Variants in PRKG1 observed in about 807,000 individuals in gnomAD.
The protein encoded by PRKG1 is protein kinase cGMP-dependent 1.
PRKG1 carries 35 observed loss-of-function variants against 88.1 expected under a neutral mutation model. That is an observed-to-expected ratio of 0.40 (90% CI 0.30 to 0.53). The LOEUF (loss-of-function observed/expected upper bound fraction) is 0.53, where lower values mean the gene tolerates loss of function less well. Ranked by LOEUF, PRKG1 falls within the 20% of genes least tolerant of loss-of-function variation. The pLI, the probability that PRKG1 is intolerant of heterozygous loss-of-function variation, is 0.59. For synonymous variants in PRKG1, 303 were observed against 292.5 expected (o/e 1.04, Z -0.37); for missense variants, 540 against 839.8 (o/e 0.64, Z 4.41).
intron 4 of PRKG1, among the ~76,000 whole-genome samples, chr10:51,863,545 T>C (rs150554574): frequency 6.6e-5 from 10 of 152,320 alleles, no homozygotes; most frequent in African/African-American, 1.2e-4. Context: ...CAAAAGCAGA[T>C]GCTAGAAATT....
chr10:52,119,849 T>C (rs1456016366), intron 7 of PRKG1, among the ~76,000 whole-genome samples: 1 of 152,110 alleles, frequency 6.6e-6, no homozygotes, highest in African/African-American at 2.4e-5. Context: ...TTTTGCTGTG[T>C]TATCCAATGG....
rs561758896 is a variant in PRKG1 at position 52,253,986 on chromosome 10, G to C, written c.1173+2320G>C. 2.0e-3 allele frequency among the ~76,000 whole-genome samples: 299 copies of C among 152,012 alleles called. 1 individual carries two copies. Among genetic ancestry groups the C allele is most frequent in the Middle Eastern group, 3.4e-3 (1 of 294 alleles). On this transcript the variant is annotated intron_variant, in intron 10 of 17. Transcript: ENST00000373980. Reference sequence around the variant, plus strand: ...TTCAATGTGGACCAGCCACTTAAGTGATCACTAATACCTTATTTTCCCAAT... The same window carrying C: ...TTCAATGTGGACCAGCCACTTAAGTCATCACTAATACCTTATTTTCCCAAT...
chr10:51,227,962 C>T (rs749261142), intron 2 of PRKG1, among the ~76,000 whole-genome samples: 7 of 152,042 alleles, frequency 4.6e-5, no homozygotes, highest in Non-Finnish European at 1.0e-4. Context: ...GCAACTCTAA[C>T]CTGTATGAAC....
chr10:51,814,441 T>G (rs115186463), intron 4 of PRKG1, among the ~76,000 whole-genome samples: 21,052 of 152,078 alleles, frequency 0.14, 1,932 homozygotes, highest in African/African-American at 0.26. Context: ...AACTTAATTT[T>G]TTTTTGTTTG....
chr10:51,851,414 C>G (rs1170078747), intron 4 of PRKG1, among the ~76,000 whole-genome samples: 1 of 152,018 alleles, frequency 6.6e-6, no homozygotes, highest in Non-Finnish European at 1.5e-5. Context: ...CTTAAATGCA[C>G]AGGACAACCT....
rs115184683 is a variant in PRKG1, at chr10:51,077,113, A to C, written c.311+2212A>C. Among the ~76,000 whole-genome samples the C allele has an allele frequency of 2.7e-3, 418 of 152,336 alleles. 1 individual carries two copies. The highest frequency in any genetic ancestry group is 9.8e-3 in the African/African-American group (406 of 41,592). ...GAAAAAAGAAGTACATTGTATGCAA[A>C]ATGAATAAATCTTATGTTGTTTGAA... is the stretch of plus-strand genomic sequence containing the variant. On this transcript the variant is annotated intron_variant, in intron 1 of 17. Coordinates refer to ENST00000373980, the MANE Select transcript of PRKG1 (RefSeq NM_006258.4).
chr10:51,108,386 A>G (rs942585387), intron 1 of PRKG1, among the ~76,000 whole-genome samples: 10 of 152,214 alleles, frequency 6.6e-5, no homozygotes, highest in Admixed American at 2.0e-4. Flanking sequence ...AAATTAAAAA[A>G]AAAAAGATAA....
intron 2 of PRKG1, among the ~76,000 whole-genome samples, chr10:51,439,012 TA>T (rs143701501): frequency 6.7e-6 from 1 of 150,100 alleles, no homozygotes. Flanking sequence ...TTTTTTTTTT[TA>T]AAAAAAAAGA....
At chr10:51,176,666 T>C (rs1265090112) in intron 2 of PRKG1, among the ~76,000 whole-genome samples, 1 of 152,104 alleles carries the variant, frequency 6.6e-6, no homozygotes, top group African/African-American at 2.4e-5. Flanking sequence ...GAAATTTTTC[T>C]AAAGTGGTGA....
At chr10:52,202,549 A>G (rs1443701461) in intron 9 of PRKG1, among the ~76,000 whole-genome samples, 1 of 152,134 alleles carries the variant, frequency 6.6e-6, no homozygotes, top group Non-Finnish European at 1.5e-5. Flanking sequence ...GCCCCATAGA[A>G]TGAGTTAGGG....
At chr10:52,038,097 G>A (rs1845663462) in intron 5 of PRKG1, among the ~76,000 whole-genome samples, 1 of 152,144 alleles carries the variant, frequency 6.6e-6, no homozygotes, top group Non-Finnish European at 1.5e-5. Flanking sequence ...TGGAACTACT[G>A]TCGAGTTTGT....
At chr10:52,066,916 A>G (rs768879126) in intron 7 of PRKG1, among the ~76,000 whole-genome samples, 2 of 152,190 alleles carry the variant, frequency 1.3e-5, no homozygotes, top group African/African-American at 4.8e-5. Flanking sequence ...AAGGAAGCCT[A>G]TTAACTCATC....
intron 2 of PRKG1, chr10:51,299,693 C>T (rs757373249): frequency 5.1e-5 from 23 of 446,998 alleles, no homozygotes; most frequent in South Asian, 3.7e-4. Flanking sequence ...AGGCTGACAG[C>T]CACAGGTATA....
At chr10:51,597,512 A>G (rs931493154) in intron 3 of PRKG1, among the ~76,000 whole-genome samples, 14 of 152,236 alleles carry the variant, frequency 9.2e-5, no homozygotes, top group African/African-American at 3.4e-4. Context: ...ATCTCTTGGC[A>G]TATCTCATAT....
At chr10:51,622,098 A>G (rs900930682) in intron 3 of PRKG1, among the ~76,000 whole-genome samples, 10 of 152,192 alleles carry the variant, frequency 6.6e-5, no homozygotes, top group Non-Finnish European at 1.0e-4. Flanking sequence ...TCAAAGTGTA[A>G]ATCAATACTT....
At chr10:52,198,276 A>G (rs547489910) in intron 9 of PRKG1, among the ~76,000 whole-genome samples, 1 of 152,310 alleles carries the variant, frequency 6.6e-6, no homozygotes, top group Non-Finnish European at 1.5e-5. Context: ...ATGCAGTTTG[A>G]TAAATATTTG....
chr10:52,081,345 T>C (rs12255651), intron 7 of PRKG1, among the ~76,000 whole-genome samples: 24,069 of 152,156 alleles, frequency 0.16, 2,084 homozygotes, highest in Non-Finnish European at 0.2. Flanking sequence ...ATTGAAATCA[T>C]AATAGTTGCT....
intron 3 of PRKG1, among the ~76,000 whole-genome samples, chr10:51,685,644 A>G (rs1178634596): frequency 2.0e-5 from 3 of 152,190 alleles, no homozygotes; most frequent in Admixed American, 1.3e-4. Context: ...TGTCTATATC[A>G]ATATGTTATA....
At chr10:52,171,895 C>G (rs1024737405) in intron 9 of PRKG1, among the ~76,000 whole-genome samples, 2 of 145,898 alleles carry the variant, frequency 1.4e-5, no homozygotes, top group Non-Finnish European at 3.0e-5. Context: ...CTCCGCTTCC[C>G]GGGTTCACGC....
Sources: allele counts gnomAD v4.1 joint callset (sites outside exome capture counted in the v4.1 genomes callset), GRCh38; gene constraint gnomAD v4.1.1; transcripts MANE v1.5; gene names NCBI Gene and HGNC (gene_info 2026-07-23, HGNC 2026-07-21).